Variants in TRMT2B observed in about 807,000 individuals in gnomAD.
TRMT2B encodes tRNA (uracil-5-)-methyltransferase homolog B.
Under a neutral mutation model 39.7 loss-of-function variants are expected in TRMT2B, and 34 were observed. The ratio of observed to expected loss-of-function variants is 0.86; its 90% CI spans 0.65 to 1.14. TRMT2B has a LOEUF of 1.14. TRMT2B is among the 50% of genes most tolerant of loss of function. TRMT2B has a pLI of 0.00. For missense variants in TRMT2B, 318 were observed against 377.2 expected, an observed-to-expected ratio of 0.84 and a Z score of 1.30; for synonymous variants, 132 against 137.3, an observed-to-expected ratio of 0.96 and a Z score of 0.27.
At chrX:101,018,801 T>A (rs371402057) in intron 13 of TRMT2B, among the ~76,000 whole-genome samples, 170 bp downstream of exon 13, 1 of 112,126 alleles carries the variant, frequency 8.9e-6, no homozygotes, top group East Asian at 2.8e-4. Context: ...ACTTGCCTCA[T>A]CCCTGACCCA....
chrX:101,020,754 C>T (rs1190249407), intron 10 of TRMT2B, among the ~76,000 whole-genome samples, 166 bp from the exon 11 acceptor site: 2 of 112,118 alleles, frequency 1.8e-5, no homozygotes, highest in Admixed American at 9.5e-5. Flanking sequence ...ACTGCAGCCT[C>T]GACCTCCCGG....
chrX:101,043,739 G>A (rs1193323861), intron 2 of TRMT2B: 2 of 111,934 alleles, frequency 1.8e-5, no homozygotes, highest in Non-Finnish European at 3.8e-5. Context: ...GCAGAGAGAT[G>A]AATTAGATGT....
In TRMT2B at chrX:101,037,984, A is replaced by G; in HGVS notation, c.371T>C (p.Val124Ala). ...LESYIQMLNG[V>A]SVTTAVPKSE... is the part of the protein sequence containing the mutation. ...TTTGGGTACAGCCGTTGTCACACTGACTCCATTGAGCATTTGGATGTAAGA... is the reference window on the plus strand; with the variant it reads ...TTTGGGTACAGCCGTTGTCACACTGGCTCCATTGAGCATTTGGATGTAAGA... Residue 124 changes from valine to alanine, a missense_variant, in exon 5 of 14, where the codon GTC (valine) becomes GCC (alanine). Transcript: ENST00000372936. The G allele has an allele frequency of 8.3e-7, 1 of 1,207,925 alleles. No individual in the cohort carries two copies. The highest frequency in any genetic ancestry group is 1.1e-6 in the Non-Finnish European group (1 of 892,748).
the TRMT2B span, among the ~76,000 whole-genome samples, chrX:100,992,123 G>C: frequency 9.0e-6 from 1 of 110,783 alleles, no homozygotes; most frequent in Non-Finnish European, 1.9e-5. Context: ...TAAATTAGAT[G>C]ATGTATTATC....
chrX:101,003,580 C>T, the TRMT2B span, among the ~76,000 whole-genome samples: 34 of 110,751 alleles, frequency 3.1e-4, 1 homozygote, highest in African/African-American at 1.1e-3. Flanking sequence ...GAACTCCTGA[C>T]ATCAGGTAAT....
chrX:100,976,266 C>T, the TRMT2B span, among the ~76,000 whole-genome samples: 1 of 110,018 alleles, frequency 9.1e-6, no homozygotes, highest in Non-Finnish European at 1.9e-5. Context: ...GGCCAGCCAG[C>T]TTTTGGAAGC....
intron 10 of TRMT2B, among the ~76,000 whole-genome samples, chrX:101,020,819 G>C (rs938287127): frequency 1.8e-5 from 2 of 111,496 alleles, no homozygotes; most frequent in African/African-American, 3.3e-5. Context: ...ACAGGTTCAC[G>C]CCACTATGCC....
At chrX:100,987,658 A>G in the TRMT2B span, 1 of 945,649 alleles carries the variant, frequency 1.1e-6, no homozygotes, top group South Asian at 2.3e-5. Context: ...CCTGGGTGGC[A>G]TTGAGCAAGT....
At chrX:100,976,249 T>G in the TRMT2B span, among the ~76,000 whole-genome samples, 1 of 110,002 alleles carries the variant, frequency 9.1e-6, no homozygotes, top group Non-Finnish European at 1.9e-5. Flanking sequence ...CCTCAGGGGT[T>G]TCTGATGGCC....
intron 13 of TRMT2B, chrX:101,013,530 T>A (rs775368757): frequency 9.0e-6 from 1 of 110,692 alleles, no homozygotes; most frequent in South Asian, 3.8e-4. Flanking sequence ...GGCGGTTGGA[T>A]CACCTGAGGT....
intron 2 of TRMT2B, among the ~76,000 whole-genome samples, chrX:101,049,487 CAAAAAA>C (rs1168727839): frequency 4.6e-5 from 1 of 21,641 alleles, no homozygotes; most frequent in Non-Finnish European, 7.1e-5. Context: ...ACCCTGTCTC[CAAAAAA>C]AAAAAAAAAA....
the TRMT2B span, among the ~76,000 whole-genome samples, chrX:100,996,583 C>T: frequency 8.9e-6 from 1 of 112,001 alleles, no homozygotes; most frequent in Non-Finnish European, 1.9e-5. Context: ...TTCCTCCCCT[C>T]GCCCCCTTAT....
chrX:101,012,559 G>A (rs1263617103), intron 13 of TRMT2B, among the ~76,000 whole-genome samples: 1 of 103,860 alleles, frequency 9.6e-6, no homozygotes, highest in East Asian at 3.1e-4. Flanking sequence ...ACCTATGAGT[G>A]AGAATATGCG....
rs1391440434 is a variant in TRMT2B at position 101,027,364 on chromosome X, T to C, written c.610-3748A>G. ...CTAATGCCTCAGCCTTCTGAGTAGC[T>C]GGGACTACAGGCGCACGCCAACAAG... On this transcript the variant is annotated intron_variant, in intron 7 of 13. Coordinates refer to ENST00000372936, the MANE Select transcript of TRMT2B (RefSeq NM_024917.6). 3.6e-5 allele frequency among the ~76,000 whole-genome samples: 4 copies of C among 109,985 alleles called. No individual in the cohort carries two copies. In the East Asian group the frequency reaches 8.5e-4, roughly 23 times the overall value.
At chrX:100,990,661 C>A in the TRMT2B span, 1 of 1,006,534 alleles carries the variant, frequency 9.9e-7, no homozygotes, top group Non-Finnish European at 1.4e-6. Context: ...AGAGACTTTA[C>A]ATCTTTGTAC....
intron 2 of TRMT2B, among the ~76,000 whole-genome samples, chrX:101,048,852 A>G (rs1455989356): frequency 8.9e-6 from 1 of 112,646 alleles, no homozygotes; most frequent in African/African-American, 3.2e-5. Context: ...AATAGGACTG[A>G]GAACACCTAT....
At chrX:101,041,052 A>T (rs2088202963) in intron 4 of TRMT2B, among the ~76,000 whole-genome samples, 1 of 110,678 alleles carries the variant, frequency 9.0e-6, no homozygotes, top group Admixed American at 9.8e-5. Flanking sequence ...AAAAATAGAA[A>T]AATTAGCTGG....
intron 2 of TRMT2B, among the ~76,000 whole-genome samples, chrX:101,050,102 T>C (rs754957331): frequency 8.0e-5 from 9 of 111,894 alleles, no homozygotes; most frequent in African/African-American, 2.9e-4. Context: ...CATTTAGACT[T>C]TTTTGTGAGT....
chrX:100,994,191 T>G, the TRMT2B span, among the ~76,000 whole-genome samples: 1 of 111,533 alleles, frequency 9.0e-6, no homozygotes, highest in East Asian at 2.8e-4. Context: ...ATCCTAAATC[T>G]GCCAAAGAGG....
Sources: allele counts gnomAD v4.1 joint callset (sites outside exome capture counted in the v4.1 genomes callset), GRCh38; gene constraint gnomAD v4.1.1; transcripts MANE v1.5; gene names NCBI Gene and HGNC (gene_info 2026-07-23, HGNC 2026-07-21).